DOCK7: variants seen among roughly 807,000 people sequenced by gnomAD.
DOCK7 encodes the protein dedicator of cytokinesis 7, also known as dedicator of cytokinesis protein 7.
DOCK7 carries 138 observed loss-of-function variants against 271.0 expected under a neutral mutation model. That is an observed-to-expected ratio of 0.51 (90% CI 0.44 to 0.59). DOCK7 has a LOEUF of 0.59. Among genes scored for constraint, DOCK7 ranks in the 20% least tolerant of loss-of-function variants. DOCK7 has a pLI of 0.00. For synonymous variants in DOCK7, 823 were observed against 876.1 expected (o/e 0.94, Z 1.07); for missense variants, 2,066 against 2,592.4 (o/e 0.80, Z 4.41).
intron 31 of DOCK7, among the ~76,000 whole-genome samples, chr1:62,521,601 A>G (rs1326867716): frequency 6.6e-6 from 1 of 152,244 alleles, no homozygotes; most frequent in African/African-American, 2.4e-5. Flanking sequence ...ACATTTAAAA[A>G]ATTATACAAG....
At chr1:62,579,695 G>GAAAAAAAAAAAAAAA (rs34924913) in intron 16 of DOCK7, among the ~76,000 whole-genome samples, 1 of 63,888 alleles carries the variant, frequency 1.6e-5, no homozygotes, top group African/African-American at 6.1e-5. Context: ...GAGTGAGACC[G>GAAAAAAAAAAAAAAA]AAAAAAAAAA....
chr1:62,571,760 G>C (rs148067425), intron 18 of DOCK7, among the ~76,000 whole-genome samples: 4 of 152,262 alleles, frequency 2.6e-5, no homozygotes, highest in African/African-American at 9.6e-5. Context: ...CAGGAACATG[G>C]ATGGAGCTGG....
chr1:62,571,872 G>A (rs1030530948), intron 18 of DOCK7, among the ~76,000 whole-genome samples: 3 of 152,124 alleles, frequency 2.0e-5, no homozygotes, highest in Admixed American at 6.6e-5. Flanking sequence ...TGGACACAGG[G>A]AAGGAAACAA....
At chr1:62,569,510 A>C (rs774191772) in intron 18 of DOCK7, among the ~76,000 whole-genome samples, 1 of 152,192 alleles carries the variant, frequency 6.6e-6, no homozygotes, top group Non-Finnish European at 1.5e-5. Flanking sequence ...CAATAGGCTC[A>C]GAAAAGGTCT....
intron 29 of DOCK7, among the ~76,000 whole-genome samples, chr1:62,535,274 G>C (rs894287664): frequency 6.6e-6 from 1 of 152,036 alleles, no homozygotes; most frequent in Non-Finnish European, 1.5e-5. Context: ...CCAATTTTAA[G>C]ACAAATCCCA....
In DOCK7 at chr1:62,476,054, G is replaced by T. The variant is rs74678635; in HGVS notation, c.5724+13C>A. Reference sequence around the variant, plus strand: ...GAGATGTCTATATGTCATTATAGTCGAATCAACTATACCTTGTTAGGATCT... The same window carrying T: ...GAGATGTCTATATGTCATTATAGTCTAATCAACTATACCTTGTTAGGATCT... On this transcript the variant is annotated intron_variant, in intron 45 of 49. Transcript: ENST00000635253. 1 of 1,607,618 alleles carries T rather than the reference G, an allele frequency of 6.2e-7. No homozygotes were observed. The highest frequency in any genetic ancestry group is 8.5e-7 in the Non-Finnish European group (1 of 1,176,034).
chr1:62,602,495 C>A, intron 14 of DOCK7: 2 of 849,090 alleles, frequency 2.4e-6, no homozygotes, highest in Non-Finnish European at 4.0e-6. Flanking sequence ...CAGTCTCAGC[C>A]TTCATATAAT....
intron 31 of DOCK7, among the ~76,000 whole-genome samples, chr1:62,526,282 T>C (rs1034340716): frequency 2.0e-5 from 3 of 152,172 alleles, no homozygotes; most frequent in African/African-American, 7.2e-5. Flanking sequence ...AAAGGAGATA[T>C]ACAAAACAAT....
chr1:62,472,828 G>A (rs1383151135), intron 48 of DOCK7, among the ~76,000 whole-genome samples: 7 of 152,182 alleles, frequency 4.6e-5, no homozygotes, highest in African/African-American at 7.2e-5. Context: ...CAGAGAGAGA[G>A]TGCCTACATG....
intron 22 of DOCK7, among the ~76,000 whole-genome samples, chr1:62,545,823 T>C (rs1320265832): frequency 1.3e-5 from 2 of 152,114 alleles, no homozygotes; most frequent in Non-Finnish European, 2.9e-5. Context: ...TGATTCCAGG[T>C]GAAGGAAACA....
intron 11 of DOCK7, among the ~76,000 whole-genome samples, chr1:62,626,873 T>C (rs998522715): frequency 6.6e-6 from 1 of 152,054 alleles, no homozygotes; most frequent in Non-Finnish European, 1.5e-5. Flanking sequence ...GAAGGAACAC[T>C]TCACAACTCA....
At chr1:62,611,482 G>A (rs923600481) in intron 14 of DOCK7, among the ~76,000 whole-genome samples, 2 of 152,046 alleles carry the variant, frequency 1.3e-5, no homozygotes, top group African/African-American at 4.8e-5. Context: ...TTGGATTTTG[G>A]AGCATTTAAG....
chr1:62,492,563 C>T lies in DOCK7; in HGVS notation c.5361+141G>A, dbSNP rs1646498095. The T allele has an allele frequency of 3.3e-5, 33 of 986,968 alleles. No individual in the cohort carries two copies. The South Asian group carries it at 3.9e-4, about 12-fold the overall frequency. The allele number at this position is 986,968 out of a possible 1,614,324, so 61.1% of individuals were successfully genotyped here. On this transcript the variant is annotated intron_variant, in intron 41 of 49. Coordinates refer to ENST00000635253, the MANE Select transcript of DOCK7 (RefSeq NM_001367561.1). Reference sequence around the variant, plus strand: ...TTAGCCTCTCAAAGTGCTGAGATTACAGGCATGAGCCACCATACTGGGTCC... The same window carrying T: ...TTAGCCTCTCAAAGTGCTGAGATTATAGGCATGAGCCACCATACTGGGTCC...
Position 62,589,253 on chromosome 1 carries a change from C to T in DOCK7, c.1683-2629G>A, listed in dbSNP as rs75366574. Among the ~76,000 whole-genome samples the T allele has an allele frequency of 2.2e-3, 330 of 152,224 alleles. 3 individuals carry two copies. Among genetic ancestry groups the T allele is most frequent in the Admixed American group, 0.011 (173 of 15,290 alleles). ...AATAATAAATTGGTGCACTACAATC[C>T]TCCAAAAACGATCAATTACATCTTA... On this transcript the variant is annotated intron_variant, in intron 14 of 49. Transcript: ENST00000635253.
At chr1:62,457,819 C>G in intron 48 of DOCK7, 114 bp from the exon 49 acceptor site, 1 of 991,532 alleles carries the variant, frequency 1.0e-6, no homozygotes, top group Non-Finnish European at 1.5e-6. Flanking sequence ...ACACACAACA[C>G]AGACTATATA....
At chr1:62,534,198 C>T (rs968367800) in intron 29 of DOCK7, among the ~76,000 whole-genome samples, 1 of 152,128 alleles carries the variant, frequency 6.6e-6, no homozygotes. Context: ...TGGAGTTTCA[C>T]CATGTCAGCC....
At chr1:62,656,700 G>A (rs187711939) in intron 2 of DOCK7, among the ~76,000 whole-genome samples, 3 of 150,036 alleles carry the variant, frequency 2.0e-5, no homozygotes, top group Admixed American at 2.0e-4. Context: ...TGGCATGACA[G>A]TGAGTTACTT....
At chr1:62,525,565 A>G (rs1487029203) in intron 31 of DOCK7, among the ~76,000 whole-genome samples, 1 of 152,260 alleles carries the variant, frequency 6.6e-6, no homozygotes, top group Non-Finnish European at 1.5e-5. Flanking sequence ...AGGTTAATAC[A>G]ATTGAGAACA....
intron 37 of DOCK7, among the ~76,000 whole-genome samples, chr1:62,498,271 C>T (rs1372836779): frequency 1.3e-5 from 2 of 151,942 alleles, no homozygotes; most frequent in Admixed American, 6.6e-5. Context: ...TGTGTTTGCC[C>T]ATTTCCTTCT....
Sources: gnomAD v4.1 joint callset for allele counts (sites outside exome capture counted in the v4.1 genomes callset) on GRCh38, gnomAD v4.1.1 for gene constraint, MANE v1.5 for transcripts, NCBI Gene and HGNC (gene_info 2026-07-23, HGNC 2026-07-21) for gene names.